The following RELCH variants were observed in gnomAD, a reference collection of about 807,000 sequenced individuals.
RELCH encodes RAB11-binding protein RELCH.
In RELCH, 41 loss-of-function variants were observed where a neutral mutation model predicts 150.3. The ratio of observed to expected loss-of-function variants is 0.27; its 90% CI spans 0.21 to 0.35. The LOEUF (loss-of-function observed/expected upper bound fraction) is 0.35, where lower values mean the gene tolerates loss of function less well. Ranked by LOEUF, RELCH falls within the 10% of genes least tolerant of loss-of-function variation. The pLI, the probability that RELCH is intolerant of heterozygous loss-of-function variation, is 1.00. For missense variants in RELCH, 1,092 were observed against 1,467.8 expected (o/e 0.74, Z 4.18); for synonymous variants, 478 against 531.8 (o/e 0.90, Z 1.39).
rs2044880327 is a variant in RELCH, at chr18:62,287,617, CCTT to C, written c.3370+156_3370+158del. 1.8e-5 allele frequency: 11 copies of C among 615,146 alleles called. No individual in the cohort carries two copies. The South Asian group carries it at 2.0e-4, about 11-fold the overall frequency. The allele number at this position is 615,146 out of a possible 1,614,324, so 38.1% of individuals were successfully genotyped here. A position where few individuals can be genotyped will look rare whatever the true frequency, so the allele number is the denominator to read the frequency against. On this transcript the variant is annotated intron_variant, in intron 26 of 28. Coordinates refer to ENST00000644646, the MANE Select transcript of RELCH (RefSeq NM_001346231.2). Reference sequence around the variant, plus strand: ...AAGATTTGATTTGTCTCACTCCACTCCTTCTTCTAGCCATCTCATAATTTTAAA... The same window carrying C: ...AAGATTTGATTTGTCTCACTCCACTCCTTCTAGCCATCTCATAATTTTAAA...
intron 10 of RELCH, among the ~76,000 whole-genome samples, chr18:62,238,286 G>A (rs1011259816): frequency 1.3e-5 from 2 of 151,810 alleles, no homozygotes; most frequent in Non-Finnish European, 2.9e-5. Context: ...TTCCTTGCCT[G>A]TTCATTTTGG....
Position 62,187,835 on chromosome 18 carries a change from C to A in RELCH, c.330C>A (p.Ala110=). ...TGCGCGATCAATACTTGCTGACCGC[C>A]CTGGAGCTGCATACCGAGCTGTTAG... ...QLLRDQYLLT[A]LELHTELLES... The change falls in exon 1 of 29, where the codon GCC becomes GCA. Residue 110 remains alanine, a synonymous_variant. Transcript: ENST00000644646. The A allele has an allele frequency of 6.3e-7, 1 of 1,592,032 alleles. No individual in the cohort carries two copies. Among genetic ancestry groups the A allele is most frequent in the Non-Finnish European group, 8.6e-7 (1 of 1,169,404 alleles).
intron 1 of RELCH, among the ~76,000 whole-genome samples, chr18:62,210,672 T>C (rs2040099219): frequency 1.2e-4 from 18 of 152,230 alleles, no homozygotes; most frequent in Admixed American, 1.2e-3. Context: ...ATTTTACCAT[T>C]ATGTCCTGGT....
intron 2 of RELCH, among the ~76,000 whole-genome samples, chr18:62,217,389 G>A (rs1229467108): frequency 6.6e-6 from 1 of 151,948 alleles, no homozygotes; most frequent in Non-Finnish European, 1.5e-5. Flanking sequence ...CAGAGACAGT[G>A]TAGATGAATG....
chr18:62,211,339 A>T (rs1173540590), intron 2 of RELCH, 97 bp downstream of exon 2: 6 of 707,880 alleles, frequency 8.5e-6, no homozygotes, highest in Non-Finnish European at 1.5e-5. Context: ...TTGGTATGTG[A>T]CTATAACATA....
At chr18:62,201,959 G>A (rs1381426675) in intron 1 of RELCH, among the ~76,000 whole-genome samples, 1 of 152,142 alleles carries the variant, frequency 6.6e-6, no homozygotes, top group Non-Finnish European at 1.5e-5. Context: ...AATATTAAAT[G>A]TAAATATAAA....
chr18:62,209,567 T>C (rs969647898), intron 1 of RELCH, among the ~76,000 whole-genome samples: 1 of 152,170 alleles, frequency 6.6e-6, no homozygotes, highest in Non-Finnish European at 1.5e-5. Flanking sequence ...CCTCCATCTT[T>C]ATTCCTTTTC....
intron 26 of RELCH, among the ~76,000 whole-genome samples, chr18:62,288,906 A>G (rs184934759): frequency 7.0e-4 from 106 of 152,304 alleles, no homozygotes; most frequent in Middle Eastern, 3.4e-3. Context: ...TCTCAAAGAA[A>G]GAAAACATTG....
chr18:62,228,220 A>G (rs758541677), intron 7 of RELCH, 85 bp from the exon 8 acceptor site: 9 of 1,088,586 alleles, frequency 8.3e-6, no homozygotes, highest in Non-Finnish European at 1.2e-5. Context: ...ATGCTTTTAA[A>G]ACATTAAACC....
intron 5 of RELCH, among the ~76,000 whole-genome samples, chr18:62,227,048 T>G (rs1365314732): frequency 6.6e-6 from 1 of 151,818 alleles, no homozygotes; most frequent in Non-Finnish European, 1.5e-5. Context: ...TTTTGATTGG[T>G]TCGGCACAGT....
chr18:62,297,417 A>G (rs1220554350), intron 27 of RELCH, among the ~76,000 whole-genome samples: 3 of 152,168 alleles, frequency 2.0e-5, no homozygotes, highest in Admixed American at 2.0e-4. Context: ...CCAAAGATAG[A>G]GATGAAAATA....
chr18:62,282,231 G>A (rs2044553512), intron 24 of RELCH, 75 bp from the exon 25 acceptor site: 5 of 1,276,344 alleles, frequency 3.9e-6, no homozygotes, highest in South Asian at 2.5e-5. Context: ...CATGTTTAAT[G>A]TGTGTCTTTC....
intron 21 of RELCH, 21 bp from the exon 22 acceptor site, chr18:62,275,353 G>GTT (rs72266333): frequency 2.3e-3 from 2,462 of 1,082,828 alleles, no homozygotes; most frequent in South Asian, 4.7e-3. Context: ...TTTTAACACT[G>GTT]TTTTTTTTTT....
At position 62,307,941 on chromosome 18, in the gene RELCH, T is replaced by C. The variant is rs543446118; in HGVS notation, c.*2407T>C. The C allele has an allele frequency of 6.6e-6, 1 of 152,326 alleles. No homozygotes were observed. Among genetic ancestry groups the C allele is most frequent in the South Asian group, 2.1e-4 (1 of 4,822 alleles). The allele number at this position is 152,326 out of a possible 1,614,324, so 9.4% of individuals were successfully genotyped here. A position where few individuals can be genotyped will look rare whatever the true frequency, so the allele number is the denominator to read the frequency against. On this transcript the variant is annotated 3_prime_UTR_variant, in exon 29 of 29. Coordinates refer to ENST00000644646, the MANE Select transcript of RELCH (RefSeq NM_001346231.2). ...TATGACCTTCATTGGTTTGCATTAT[T>C]CACCCCTTTAGAGAGATTATTTTGC...
chr18:62,190,932 G>C (rs1185261619), intron 1 of RELCH, among the ~76,000 whole-genome samples: 4 of 152,188 alleles, frequency 2.6e-5, no homozygotes, highest in African/African-American at 9.7e-5. Context: ...TACGTCTTTA[G>C]ATAAGTTTTG....
intron 22 of RELCH, among the ~76,000 whole-genome samples, chr18:62,276,732 A>G (rs1400258129): frequency 6.6e-6 from 1 of 152,054 alleles, no homozygotes; most frequent in East Asian, 1.9e-4. Context: ...AGAAAATTCC[A>G]TTGTTATCAG....
In RELCH at chr18:62,227,507, C is replaced by A. The variant is rs2148409444; in HGVS notation, c.1062+15C>A. 6.2e-7 allele frequency: 1 copy of A among 1,605,502 alleles called. No individual in the cohort carries two copies. Among genetic ancestry groups the A allele is most frequent in the Middle Eastern group, 1.7e-4 (1 of 6,036 alleles). On this transcript the variant is annotated intron_variant, in intron 6 of 28. Transcript: ENST00000644646. ...AGCCTGCAGAGGTGAGAGATAGCAA[C>A]TAATTAGTCAAGTCCACAGAAAGTA...
chr18:62,264,670 G>A, intron 17 of RELCH, 59 bp from the exon 18 acceptor site: 1 of 1,292,302 alleles, frequency 7.7e-7, no homozygotes, highest in Non-Finnish European at 1.1e-6. Flanking sequence ...TCAGAAATTG[G>A]CAAGGAAACA....
Position 62,226,328 on chromosome 18 carries a change from CTG to C in RELCH, c.859-959_859-958del, listed in dbSNP as rs574684368. On this transcript the variant is annotated intron_variant, in intron 5 of 28. Coordinates refer to ENST00000644646, the MANE Select transcript of RELCH (RefSeq NM_001346231.2). ...GTGCTTTTTTGTACTTTTAATAAAA[CTG>C]TTGCAGTTAATAAAACTGTTGAACA... Among the ~76,000 whole-genome samples, 212 of 152,130 alleles carry C rather than the reference CTG, an allele frequency of 1.4e-3. 6 individuals carry two copies. The highest frequency in any genetic ancestry group is 0.012 in the Admixed American group (188 of 15,260).
Sources: allele counts gnomAD v4.1 joint callset (sites outside exome capture counted in the v4.1 genomes callset), GRCh38; gene constraint gnomAD v4.1.1; transcripts MANE v1.5; gene names NCBI Gene and HGNC (gene_info 2026-07-23, HGNC 2026-07-21).